CLUH: variants seen among roughly 807,000 people sequenced by gnomAD.
The protein encoded by CLUH is clustered mitochondria protein homolog.
A neutral mutation model predicts 139.3 loss-of-function variants in CLUH; 77 were observed. The observed-to-expected ratio is 0.55, with a 90% CI of 0.46 to 0.67. The LOEUF is 0.67. CLUH is among the 30% of genes least tolerant of loss of function. The pLI, the probability that CLUH is intolerant of heterozygous loss-of-function variation, is 0.00. For missense variants in CLUH, 1,876 were observed against 1,875.8 expected, an observed-to-expected ratio of 1.00 and a Z score of 0.00; for synonymous variants, 999 against 801.6, an observed-to-expected ratio of 1.25 and a Z score of -4.16.
At position 2,704,241 on chromosome 17, in the gene CLUH, G is replaced by A. The variant is rs1412979915; in HGVS notation, c.303+121C>T. ...AGCTGAGTGACTCTAGGGAGGGCAC[G>A]GGATCCTCAGTTTCCTGCCACAAAA... On this transcript the variant is annotated intron_variant, in intron 2 of 25. Coordinates refer to ENST00000651024, the MANE Select transcript of CLUH (RefSeq NM_001366661.1). The surrounding 1 kb of genome is among the most constrained non-coding windows in gnomAD (Gnocchi z 5.7). 11 of 1,058,356 alleles carry A rather than the reference G, an allele frequency of 1.0e-5. No individual in the cohort carries two copies. Among genetic ancestry groups the A allele is most frequent in the South Asian group, 4.7e-5 (3 of 63,976 alleles). The allele number at this position is 1,058,356 out of a possible 1,614,324, so 65.6% of individuals were successfully genotyped here. A position where few individuals can be genotyped will look rare whatever the true frequency, so the allele number is the denominator to read the frequency against.
rs753750953 is a variant in CLUH at position 2,698,196 on chromosome 17, C to A, written c.1661G>T (p.Arg554Leu). ...CGTGCGCTCCAGCAGCTCCAGGTACCGCGGGTGTGACACCACGGTCTTGCC... is the reference window on the plus strand; with the variant it reads ...CGTGCGCTCCAGCAGCTCCAGGTACAGCGGGTGTGACACCACGGTCTTGCC... ...DFGKTVVSHPRYLELLERTSR... is the reference protein window; with the variant it reads ...DFGKTVVSHPLYLELLERTSR... The change falls in exon 10 of 26, where the codon CGG (arginine) becomes CTG (leucine). Residue 554 changes from arginine to leucine, a missense_variant. Transcript: ENST00000651024. 10 of 1,576,842 alleles carry A rather than the reference C, an allele frequency of 6.3e-6. No individual in the cohort carries two copies. Among genetic ancestry groups the A allele is most frequent in the South Asian group, 3.5e-5 (3 of 86,358 alleles).
intron 9 of CLUH, 23 bp downstream of exon 9, chr17:2,700,359 C>G: frequency 6.2e-7 from 1 of 1,602,794 alleles, no homozygotes; most frequent in Non-Finnish European, 8.5e-7. Context: ...CTCAGACTGC[C>G]GGTCAGCAGA....
rs760840714 is a variant in CLUH, at chr17:2,701,341, G to C, written c.899+25C>G. The C allele has an allele frequency of 1.8e-5, 29 of 1,606,018 alleles. No homozygotes were observed. The Admixed American group carries it at 4.4e-4, about 25-fold the overall frequency. ...CCAGGACGGCTGGCACGGCAGGGGG[G>C]TGTGGTGGGCTGGCAGGGACTCACT... On this transcript the variant is annotated intron_variant, in intron 6 of 25. Coordinates refer to ENST00000651024, the MANE Select transcript of CLUH (RefSeq NM_001366661.1).
chr17:2,695,788 C>T (rs970499689), intron 13 of CLUH: 28 of 591,410 alleles, frequency 4.7e-5, no homozygotes, highest in Non-Finnish European at 7.4e-5. Context: ...CCCCCAGCCC[C>T]GTGTCCTGAG....
At chr17:2,705,613 C>T (rs1443108092) in intron 1 of CLUH, among the ~76,000 whole-genome samples, 1 of 152,160 alleles carries the variant, frequency 6.6e-6, no homozygotes, top group Non-Finnish European at 1.5e-5. Context: ...CCAAATGACC[C>T]TTAATGGCAG....
Position 2,698,511 on chromosome 17 carries a change from C to A in CLUH, c.1346G>T (p.Ser449Ile). Residue 449 changes from serine (S) to isoleucine (I), a missense_variant, in exon 10 of 26, where the codon AGC becomes ATC. Coordinates refer to ENST00000651024, the MANE Select transcript of CLUH (RefSeq NM_001366661.1). ...GAACATCTGCATCTTGGTCTCCTCGCTGGGGTTGATGGCCATCACGTTGCC... is the reference window on the plus strand; with the variant it reads ...GAACATCTGCATCTTGGTCTCCTCGATGGGGTTGATGGCCATCACGTTGCC... ...IDGNVMAINPSEETKMQMFIW... is the reference protein window; with the variant it reads ...IDGNVMAINPIEETKMQMFIW... The A allele has an allele frequency of 6.2e-7, 1 of 1,612,956 alleles. No individual in the cohort carries two copies. Among genetic ancestry groups the A allele is most frequent in the Non-Finnish European group, 8.5e-7 (1 of 1,179,718 alleles).
intron 1 of CLUH, among the ~76,000 whole-genome samples, chr17:2,709,431 C>T (rs1162828815): frequency 2.6e-5 from 4 of 152,094 alleles, no homozygotes; most frequent in Non-Finnish European, 5.9e-5. Flanking sequence ...GTTCAGAGTT[C>T]CTCAGGCTGC....
chr17:2,706,971 G>A lies in CLUH; in HGVS notation c.101-2407C>T, dbSNP rs541722658. Among the ~76,000 whole-genome samples the A allele has an allele frequency of 3.2e-3, 488 of 152,326 alleles. No individual in the cohort carries two copies. Among genetic ancestry groups the A allele is most frequent in the Middle Eastern group, 0.01 (3 of 294 alleles). On this transcript the variant is annotated intron_variant, in intron 1 of 25. Coordinates refer to ENST00000651024, the MANE Select transcript of CLUH (RefSeq NM_001366661.1). This position sits in a 1 kb window ranked among gnomAD's most constrained non-coding sequence, Gnocchi z 4.6. ...TCCCACTCTCCTTCCCCAGCCCAGG[G>A]AGACGACCCTCAGGGGGTACCTATT...
rs188589035 is a variant in CLUH, at chr17:2,703,484, G to A, written c.309C>T (p.Ser103=). The change falls in exon 3 of 26, where the codon TCC becomes TCT. Residue 103 remains serine (S), a synonymous_variant. Transcript: ENST00000651024. This position sits in a 1 kb window ranked among gnomAD's most constrained non-coding sequence, Gnocchi z 4.2. The part of the protein sequence containing the change: ...PGIEPFSLQV[S]PQEMVQEIHQ... ...GAATCTCCTGCACCATCTCCTGGGGGGACACCTGCAGGGAGAAGGCCCCGC... is the reference window on the plus strand; with the variant it reads ...GAATCTCCTGCACCATCTCCTGGGGAGACACCTGCAGGGAGAAGGCCCCGC... 1.0e-4 allele frequency: 162 copies of A among 1,613,018 alleles called. 2 individuals carry two copies. The Admixed American group carries it at 2.6e-3, about 26-fold the overall frequency.
At chr17:2,708,295 A>G (rs1391725006) in intron 1 of CLUH, among the ~76,000 whole-genome samples, 1 of 152,124 alleles carries the variant, frequency 6.6e-6, no homozygotes, top group Non-Finnish European at 1.5e-5. Flanking sequence ...GAGGAGAAGG[A>G]CCAGGCCTAG....
At chr17:2,694,821 A>AACCCCC in intron 16 of CLUH, 36 bp downstream of exon 16, 1 of 1,446,332 alleles carries the variant, frequency 6.9e-7, no homozygotes, top group Non-Finnish European at 9.2e-7. Flanking sequence ...CATCTGCCCA[A>AACCCCC]TCCCACCCAC....
At position 2,702,066 on chromosome 17, in the gene CLUH, AAGGCAGGG is replaced by A. The variant is rs1161122566; in HGVS notation, c.476-17_476-10del. The A allele has an allele frequency of 3.1e-6, 5 of 1,612,666 alleles. No individual in the cohort carries two copies. The highest frequency in any genetic ancestry group is 4.2e-6 in the Non-Finnish European group (5 of 1,179,456). ...ACGCACCGTGTACGGCTCTGTCAGGAAGGCAGGGAGGGTATGGCGTTACCAGGGCCCTG... is the reference window on the plus strand; with the variant it reads ...ACGCACCGTGTACGGCTCTGTCAGGAAGGGTATGGCGTTACCAGGGCCCTG... On this transcript the variant is annotated splice_polypyrimidine_tract_variant and intron_variant, in intron 3 of 25. Transcript: ENST00000651024.
chr17:2,706,813 T>A lies in CLUH; in HGVS notation c.101-2249A>T, dbSNP rs891487057. Among the ~76,000 whole-genome samples, 2 of 152,072 alleles carry A rather than the reference T, an allele frequency of 1.3e-5. No individual in the cohort carries two copies. Among genetic ancestry groups the A allele is most frequent in the Admixed American group, 1.3e-4 (2 of 15,272 alleles). On this transcript the variant is annotated intron_variant, in intron 1 of 25. Transcript: ENST00000651024. This position sits in a 1 kb window ranked among gnomAD's most constrained non-coding sequence, Gnocchi z 4.6. ...AAGCAGGAAGGGCCCCCACCCAATA[T>A]AGAACAGCAGTTTTGAGCTATGAGA... is the stretch of plus-strand genomic sequence containing the variant.
rs1007286257 is a variant in CLUH at position 2,701,495 on chromosome 17, G to A, written c.770C>T (p.Thr257Ile). The change falls in exon 6 of 26, where the codon ACC (threonine) becomes ATC (isoleucine). Residue 257 changes from threonine to isoleucine, a missense_variant. Around this residue, in one of 3 missense-constraint regions of CLUH, gnomAD observed 270 missense variants for 354.7 expected, o/e 0.76. Transcript: ENST00000651024. ...CGGGGGCGGGTTCCATCCGCTCATG[G>A]TGAGTACTTTCAGGCACTGCAAGGG... ...WKPLQCLKVL[T>I]MSGWNPPPGN... is the part of the protein sequence containing the mutation. The A allele has an allele frequency of 1.9e-6, 3 of 1,613,776 alleles. No individual in the cohort carries two copies. The highest frequency in any genetic ancestry group is 2.7e-5 in the African/African-American group (2 of 74,942).
chr17:2,701,035 G>A, intron 7 of CLUH, 105 bp downstream of exon 7: 1 of 1,569,808 alleles, frequency 6.4e-7, no homozygotes, highest in Non-Finnish European at 8.6e-7. Context: ...AACACTGGGG[G>A]CCCAGGGCGG....
intron 13 of CLUH, 102 bp from the exon 14 acceptor site, chr17:2,695,628 A>C (rs1321591314): frequency 2.9e-6 from 4 of 1,386,766 alleles, no homozygotes; most frequent in Non-Finnish European, 3.8e-6. Flanking sequence ...CTGGAGAAGG[A>C]CCCCGAAGGC....
chr17:2,698,011 G>A lies in CLUH; in HGVS notation c.1846C>T (p.Pro616Ser), dbSNP rs2070029398. The A allele has an allele frequency of 3.1e-6, 5 of 1,601,682 alleles. No homozygotes were observed. The highest frequency in any genetic ancestry group is 1.6e-4 in the Middle Eastern group (1 of 6,076). ...TCAGGCAGCTCCTCGCCAGGCACGG[G>A]CAGGAAGTTGAGGTCCGGGGGGAAG... ...RTFPPDLNFL[P>S]VPGEELPEEC... Residue 616 changes from proline to serine, a missense_variant, in exon 10 of 26, where the codon CCC becomes TCC. By Grantham distance (74) the Pro-to-Ser change is moderately conservative (BLOSUM62 -1). Coordinates refer to ENST00000651024, the MANE Select transcript of CLUH (RefSeq NM_001366661.1).
At chr17:2,693,775 G>A in intron 19 of CLUH, 125 bp downstream of exon 19, 2 of 1,246,998 alleles carry the variant, frequency 1.6e-6, no homozygotes, top group Non-Finnish European at 2.2e-6. Flanking sequence ...GCCAGGGGTG[G>A]CCTGGGCAGA....
chr17:2,690,580 G>T lies in CLUH; in HGVS notation c.*14C>A. On this transcript the variant is annotated 3_prime_UTR_variant, in exon 26 of 26. Coordinates refer to ENST00000651024, the MANE Select transcript of CLUH (RefSeq NM_001366661.1). The stretch of plus-strand genomic sequence containing the variant: ...TGACGGGGCCGCTGGCTGGCTGTCC[G>T]TCTGGCTCCCTCTCTATCCCTGCAC... 1 of 1,441,280 alleles carries T rather than the reference G, an allele frequency of 6.9e-7. No individual in the cohort carries two copies. Among genetic ancestry groups the T allele is most frequent in the Non-Finnish European group, 9.1e-7 (1 of 1,094,308 alleles). 89.3% of individuals were successfully genotyped at this position (1,441,280 alleles called of 1,614,324 possible).
Sources: allele counts gnomAD v4.1 joint callset (sites outside exome capture counted in the v4.1 genomes callset), GRCh38; gene constraint gnomAD v4.1.1; regional missense constraint gnomAD v4.1.1; non-coding constraint Gnocchi (gnomAD v3.1); transcripts MANE v1.5; gene names NCBI Gene and HGNC (gene_info 2026-07-23, HGNC 2026-07-21).